MDGA2: variants seen among roughly 807,000 people sequenced by gnomAD.
MDGA2 encodes the protein MAM domain-containing glycosylphosphatidylinositol anchor protein 2.
MDGA2 carries 40 observed loss-of-function variants against 117.8 expected under a neutral mutation model. The ratio of observed to expected loss-of-function variants is 0.34; its 90% CI spans 0.26 to 0.44. The LOEUF is 0.44. MDGA2 is among the 20% of genes least tolerant of loss of function. MDGA2 has a pLI of 1.00. For synonymous variants in MDGA2, 452 were observed against 439.0 expected (o/e 1.03, Z -0.37); for missense variants, 1,123 against 1,250.6 (o/e 0.90, Z 1.54).
chr14:47,565,151 G>A (rs1428594519), intron 1 of MDGA2, among the ~76,000 whole-genome samples: 2 of 152,138 alleles, frequency 1.3e-5, no homozygotes, highest in Non-Finnish European at 2.9e-5. Flanking sequence ...CACTGCTCTG[G>A]GGAAGTAGTG....
At chr14:47,089,135 G>T (rs139450162) in intron 6 of MDGA2, among the ~76,000 whole-genome samples, 141 of 152,192 alleles carry the variant, frequency 9.3e-4, no homozygotes, top group African/African-American at 3.2e-3. Context: ...AATCTGGAAA[G>T]AATCCCTAGT....
intron 8 of MDGA2, among the ~76,000 whole-genome samples, chr14:47,000,161 T>C (rs1326766104): frequency 6.6e-6 from 1 of 150,894 alleles, no homozygotes. Flanking sequence ...ATACTTACTA[T>C]ATGCCAGATA....
chr14:46,865,014 C>A (rs36001086), intron 14 of MDGA2, among the ~76,000 whole-genome samples: 25,289 of 151,482 alleles, frequency 0.17, 2,957 homozygotes, highest in Non-Finnish European at 0.25. Flanking sequence ...CGTTTAACTC[C>A]AAGGGAAAAA....
intron 1 of MDGA2, among the ~76,000 whole-genome samples, chr14:47,387,857 T>C (rs1891796975): frequency 6.6e-6 from 1 of 152,148 alleles, no homozygotes; most frequent in Non-Finnish European, 1.5e-5. Context: ...CCTCTCTATG[T>C]CCAAACCTAT....
chr14:47,202,436 A>T (rs953898373), intron 3 of MDGA2, among the ~76,000 whole-genome samples: 1 of 152,140 alleles, frequency 6.6e-6, no homozygotes. Flanking sequence ...TTTTTTTAAA[A>T]AGGGCCCTTT....
intron 1 of MDGA2, among the ~76,000 whole-genome samples, chr14:47,491,800 T>A (rs1894175018): frequency 1.7e-5 from 1 of 57,298 alleles, no homozygotes; most frequent in African/African-American, 7.0e-5. Flanking sequence ...ACAAATCTGA[T>A]TGAAAAAAAA....
At chr14:47,303,618 A>G (rs1889352061) in intron 1 of MDGA2, among the ~76,000 whole-genome samples, 1 of 152,154 alleles carries the variant, frequency 6.6e-6, no homozygotes. Flanking sequence ...TCATATCCAT[A>G]TTATAGAGGT....
chr14:47,320,938 A>C, intron 1 of MDGA2, among the ~76,000 whole-genome samples: 1 of 152,126 alleles, frequency 6.6e-6, no homozygotes, highest in Admixed American at 6.6e-5. Flanking sequence ...ACTGAACCAA[A>C]ATCTTATAAG....
At chr14:46,866,270 T>A (rs1416163250) in intron 14 of MDGA2, among the ~76,000 whole-genome samples, 1 of 151,952 alleles carries the variant, frequency 6.6e-6, no homozygotes, top group Non-Finnish European at 1.5e-5. Flanking sequence ...TTGACAAACC[T>A]GAGAAAAACA....
chr14:47,545,236 A>C (rs146269413), intron 1 of MDGA2, among the ~76,000 whole-genome samples: 143 of 152,312 alleles, frequency 9.4e-4, no homozygotes, highest in Non-Finnish European at 1.7e-3. Flanking sequence ...GATGCCACTA[A>C]AAGCTGATGT....
intron 1 of MDGA2, among the ~76,000 whole-genome samples, chr14:47,433,039 A>G (rs1892830174): frequency 6.6e-6 from 1 of 152,086 alleles, no homozygotes. Flanking sequence ...TGGTCACATG[A>G]GGAAGGCATG....
Position 47,133,853 on chromosome 14 carries a change from T to C in MDGA2, c.793-2007A>G, listed in dbSNP as rs528064082. 1.5e-4 allele frequency among the ~76,000 whole-genome samples: 23 copies of C among 152,100 alleles called. No homozygotes were observed. The South Asian group carries it at 1.9e-3, about 12-fold the overall frequency. Reference sequence around the variant, plus strand: ...ACTCATGTTCAATCCCAATTATTCTTTGTATCTATTTTTAATCATAATGCT... The same window carrying C: ...ACTCATGTTCAATCCCAATTATTCTCTGTATCTATTTTTAATCATAATGCT... On this transcript the variant is annotated intron_variant, in intron 4 of 16. Coordinates refer to ENST00000399232, the MANE Select transcript of MDGA2 (RefSeq NM_001113498.3).
intron 1 of MDGA2, among the ~76,000 whole-genome samples, chr14:47,415,035 T>G (rs1272683418): frequency 6.6e-6 from 1 of 152,156 alleles, no homozygotes; most frequent in Non-Finnish European, 1.5e-5. Flanking sequence ...GGTTGTTTAG[T>G]TCACCCATTT....
intron 8 of MDGA2, among the ~76,000 whole-genome samples, chr14:47,030,674 CA>C (rs1240454943): frequency 2.0e-5 from 3 of 151,666 alleles, no homozygotes; most frequent in Non-Finnish European, 4.4e-5. Flanking sequence ...GCCAAATATT[CA>C]AAAAAATTGT....
intron 1 of MDGA2, among the ~76,000 whole-genome samples, chr14:47,640,381 A>C (rs1897402126): frequency 6.6e-6 from 1 of 152,200 alleles, no homozygotes; most frequent in African/African-American, 2.4e-5. Flanking sequence ...TACCCGATGT[A>C]CTGCAATGAC....
chr14:47,628,626 G>A (rs2138217070), intron 1 of MDGA2, among the ~76,000 whole-genome samples: 1 of 152,288 alleles, frequency 6.6e-6, no homozygotes. Context: ...TAAAACTATG[G>A]TGAACAGTAC....
chr14:47,609,993 C>T (rs768740372), intron 1 of MDGA2, among the ~76,000 whole-genome samples: 19 of 151,744 alleles, frequency 1.3e-4, no homozygotes, highest in Non-Finnish European at 2.4e-4. Context: ...ACGGAATCCA[C>T]CATGATCAAG....
chr14:46,987,536 G>A (rs1396442507), intron 8 of MDGA2, among the ~76,000 whole-genome samples: 3 of 152,146 alleles, frequency 2.0e-5, no homozygotes, highest in Non-Finnish European at 4.4e-5. Flanking sequence ...ATGCAGCCAC[G>A]CGTCACTCAC....
At chr14:47,173,891 T>C (rs922134793) in intron 3 of MDGA2, among the ~76,000 whole-genome samples, 5 of 152,220 alleles carry the variant, frequency 3.3e-5, no homozygotes, top group South Asian at 2.1e-4. Context: ...GTGTGCTGTA[T>C]TCAGGAAATC....
Sources: allele counts gnomAD v4.1 joint callset (sites outside exome capture counted in the v4.1 genomes callset), GRCh38; gene constraint gnomAD v4.1.1; transcripts MANE v1.5; gene names NCBI Gene and HGNC (gene_info 2026-07-23, HGNC 2026-07-21).